ADA: variants seen among roughly 807,000 people sequenced by gnomAD.
ADA encodes adenosine aminohydrolase.
In ADA, 45 loss-of-function variants were observed where a neutral mutation model predicts 49.0. That is an observed-to-expected ratio of 0.92 (90% CI 0.72 to 1.18). The LOEUF is 1.18. Among genes scored for constraint, ADA ranks in the 50% most tolerant of loss-of-function variants. The pLI is 0.00. For synonymous variants in ADA, 173 were observed against 184.2 expected (o/e 0.94, Z 0.49); for missense variants, 445 against 472.5 (o/e 0.94, Z 0.54).
chr20:44,645,956 C>T (rs2065587575), intron 1 of ADA, among the ~76,000 whole-genome samples: 1 of 152,148 alleles, frequency 6.6e-6, no homozygotes, highest in Non-Finnish European at 1.5e-5. Context: ...ACATTAAGGG[C>T]TGAGGGCAAG....
chr20:44,636,063 G>A (rs1271445201), intron 2 of ADA, 164 bp downstream of exon 2: 18 of 706,580 alleles, frequency 2.5e-5, no homozygotes, highest in South Asian at 6.5e-5. Flanking sequence ...GCTCAGTGCT[G>A]AGGCCTCCAT....
At chr20:44,637,517 T>C (rs2065491648) in intron 1 of ADA, among the ~76,000 whole-genome samples, 1 of 152,128 alleles carries the variant, frequency 6.6e-6, no homozygotes, top group Non-Finnish European at 1.5e-5. Flanking sequence ...GATGGAAGCT[T>C]TCCCCCTAGC....
At chr20:44,627,138 G>A (rs2065390426) in intron 3 of ADA, among the ~76,000 whole-genome samples, 1 of 151,254 alleles carries the variant, frequency 6.6e-6, no homozygotes, top group African/African-American at 2.4e-5. Flanking sequence ...TTTAGAGCCA[G>A]CTGAAGCTTC....
intron 2 of ADA, among the ~76,000 whole-genome samples, chr20:44,631,529 A>G (rs1024848952): frequency 6.6e-6 from 1 of 152,164 alleles, no homozygotes; most frequent in Admixed American, 6.5e-5. Context: ...GGTAGAAGGC[A>G]GGGAGATGAC....
At chr20:44,620,877 G>T in intron 10 of ADA, 141 bp downstream of exon 10, 2 of 1,157,632 alleles carry the variant, frequency 1.7e-6, no homozygotes, top group Non-Finnish European at 2.6e-6. Flanking sequence ...CTTCTCTGTG[G>T]AAAGTGTCTA....
At chr20:44,651,482 C>T (rs2065645221) in intron 1 of ADA, 93 bp downstream of exon 1, 3 of 1,317,492 alleles carry the variant, frequency 2.3e-6, no homozygotes, top group Non-Finnish European at 3.1e-6. Context: ...CCGTTCGTTC[C>T]CAGGGTTTGG....
intron 6 of ADA, chr20:44,623,937 G>A (rs1305958591): frequency 8.3e-6 from 4 of 484,538 alleles, no homozygotes; most frequent in African/African-American, 2.0e-5. Context: ...TTGCAGAGAT[G>A]GATCTCACTA....
chr20:44,636,152 C>T, intron 2 of ADA, 75 bp downstream of exon 2: 1 of 1,325,440 alleles, frequency 7.5e-7, no homozygotes, highest in South Asian at 1.2e-5. Context: ...CCCTGGAATT[C>T]CCCAGGGGCC....
At chr20:44,628,930 G>C (rs2065407194) in intron 3 of ADA, 117 bp downstream of exon 3, 5 of 1,504,778 alleles carry the variant, frequency 3.3e-6, no homozygotes, top group Non-Finnish European at 4.6e-6. Context: ...ACAATGGTGA[G>C]AAAGACAGCT....
chr20:44,624,419 A>G, intron 5 of ADA, 90 bp from the exon 6 acceptor site: 2 of 1,542,754 alleles, frequency 1.3e-6, no homozygotes, highest in South Asian at 2.2e-5. Flanking sequence ...CAAACCCCCC[A>G]TGGGAGGCCA....
intron 1 of ADA, among the ~76,000 whole-genome samples, chr20:44,642,965 G>A (rs990451118): frequency 2.0e-5 from 3 of 152,070 alleles, no homozygotes; most frequent in African/African-American, 7.2e-5. Context: ...CCCTTCTCAC[G>A]GCTGCCTGAG....
In ADA at chr20:44,651,650, C is replaced by G. The variant is rs1456512765; in HGVS notation, c.-43G>C. ...CGGCGCTGCTCCCTCCGCCGCCGCT[C>G]GGTGGGTCTCTGCCGGCTCGGTGGC... On this transcript the variant is annotated 5_prime_UTR_variant, in exon 1 of 12. Coordinates refer to ENST00000372874, the MANE Select transcript of ADA (RefSeq NM_000022.4). 2 of 1,497,536 alleles carry G rather than the reference C, an allele frequency of 1.3e-6. No individual in the cohort carries two copies. Among genetic ancestry groups the G allele is most frequent in the Non-Finnish European group, 1.8e-6 (2 of 1,130,296 alleles). 92.8% of individuals were successfully genotyped at this position (1,497,536 alleles called of 1,614,324 possible). A position where few individuals can be genotyped will look rare whatever the true frequency, so the allele number is the denominator to read the frequency against.
chr20:44,643,301 A>G (rs1239265984), intron 1 of ADA, among the ~76,000 whole-genome samples: 6 of 152,222 alleles, frequency 3.9e-5, no homozygotes, highest in African/African-American at 1.2e-4. Context: ...CTGAGGTTCA[A>G]AGAAGTACCC....
At position 44,651,682 on chromosome 20, in the gene ADA, G is replaced by A. The variant is rs931314681; in HGVS notation, c.-75C>T. ...TCTCTGCCGGCTCGGTGGCCGCTCG[G>A]CTTTCCCTGGGGCCAGCGGTGGCCG... On this transcript the variant is annotated 5_prime_UTR_variant, in exon 1 of 12. Transcript: ENST00000372874. 11 of 1,435,758 alleles carry A rather than the reference G, an allele frequency of 7.7e-6. No individual in the cohort carries two copies. In the African/African-American group the frequency reaches 1.3e-4, roughly 18 times the overall value. 88.9% of individuals were successfully genotyped at this position (1,435,758 alleles called of 1,614,324 possible).
intron 10 of ADA, chr20:44,620,667 C>T: frequency 1.7e-6 from 1 of 577,868 alleles, no homozygotes; most frequent in Non-Finnish European, 3.1e-6. Context: ...GCCAGAGACA[C>T]CTCGCAGACA....
At chr20:44,651,034 G>C (rs2065640128) in intron 1 of ADA, among the ~76,000 whole-genome samples, 1 of 152,164 alleles carries the variant, frequency 6.6e-6, no homozygotes, top group African/African-American at 2.4e-5. Flanking sequence ...TGTTCTTCCC[G>C]CGCGGGGGAA....
Position 44,642,751 on chromosome 20 carries a change from C to T in ADA, c.34-6463G>A, listed in dbSNP as rs406383. 5.0e-3 allele frequency among the ~76,000 whole-genome samples: 753 copies of T among 152,064 alleles called. 7 individuals are homozygous for T. The highest frequency in any genetic ancestry group is 0.016 in the African/African-American group (669 of 41,514). On this transcript the variant is annotated intron_variant, in intron 1 of 11. Coordinates refer to ENST00000372874, the MANE Select transcript of ADA (RefSeq NM_000022.4). The stretch of plus-strand genomic sequence containing the variant: ...AGCCAGAACAGAAGACCAGCTACTG[C>T]GGGAGGGAAGATCTGATTGGGATTT...
At chr20:44,635,958 G>T in intron 2 of ADA, 1 of 517,142 alleles carries the variant, frequency 1.9e-6, no homozygotes, top group Non-Finnish European at 3.5e-6. Context: ...GTATGTGGGT[G>T]GGTGGGGAGA....
intron 2 of ADA, 112 bp from the exon 3 acceptor site, chr20:44,629,281 G>A: frequency 6.8e-7 from 1 of 1,480,266 alleles, no homozygotes; most frequent in Non-Finnish European, 9.2e-7. Flanking sequence ...GACCACAGCA[G>A]GAGACATGGG....
Sources: allele counts gnomAD v4.1 joint callset (sites outside exome capture counted in the v4.1 genomes callset), GRCh38; gene constraint gnomAD v4.1.1; transcripts MANE v1.5; gene names NCBI Gene and HGNC (gene_info 2026-07-23, HGNC 2026-07-21).